Variants in SLC45A4 observed in about 807,000 individuals in gnomAD.
SLC45A4 encodes the protein polyamine-transporter SLC45A4.
In SLC45A4, 32 loss-of-function variants were observed where a neutral mutation model predicts 63.7. The observed-to-expected ratio is 0.50, with a 90% CI of 0.38 to 0.67. The LOEUF (loss-of-function observed/expected upper bound fraction) is 0.67. Among genes scored for constraint, SLC45A4 ranks in the 30% least tolerant of loss-of-function variants. The probability of loss-of-function intolerance (pLI) is 0.00; values close to 1 mark genes in which losing one functional copy is unlikely to be tolerated. For synonymous variants in SLC45A4, 535 were observed against 510.0 expected, an observed-to-expected ratio of 1.05 and a Z score of -0.66; for missense variants, 1,027 against 1,157.7, an observed-to-expected ratio of 0.89 and a Z score of 1.64.
At chr8:141,259,884 T>C (rs1212438940) in intron 1 of SLC45A4, among the ~76,000 whole-genome samples, 1 of 152,188 alleles carries the variant, frequency 6.6e-6, no homozygotes, top group Non-Finnish European at 1.5e-5. Context: ...ATGAAGCGAA[T>C]GAATGAATAA....
At chr8:141,266,339 CTG>C (rs1320760266) in intron 1 of SLC45A4, among the ~76,000 whole-genome samples, 1 of 152,226 alleles carries the variant, frequency 6.6e-6, no homozygotes, top group Non-Finnish European at 1.5e-5. Context: ...ATGAGAACGG[CTG>C]TGTGTTTTCT....
intron 2 of SLC45A4, among the ~76,000 whole-genome samples, chr8:141,240,248 G>T (rs1213830931): frequency 6.6e-6 from 1 of 152,194 alleles, no homozygotes; most frequent in African/African-American, 2.4e-5. Context: ...GATCTTCGTC[G>T]AGTGGAGAGA....
At chr8:141,292,890 T>A (rs572305674) in intron 1 of SLC45A4, 28 of 152,326 alleles carry the variant, frequency 1.8e-4, no homozygotes, top group African/African-American at 6.0e-4. Context: ...ACTAGAACCA[T>A]CAGCCTTGAA....
At chr8:141,307,509 A>AGAGGGAAAG (rs1830934165) in intron 1 of SLC45A4, among the ~76,000 whole-genome samples, 1 of 150,804 alleles carries the variant, frequency 6.6e-6, no homozygotes, top group Admixed American at 6.6e-5. Context: ...TGCACTGGGC[A>AGAGGGAAAG]GAGGGAAAGG....
chr8:141,255,967 G>A (rs1828758546), intron 1 of SLC45A4, among the ~76,000 whole-genome samples: 1 of 152,064 alleles, frequency 6.6e-6, no homozygotes, highest in African/African-American at 2.4e-5. Context: ...GTACCTAGGG[G>A]TTCGGAGACT....
In SLC45A4 at chr8:141,214,236, A is replaced by C. The variant is rs552227715; in HGVS notation, c.1941+1523T>G. Among the ~76,000 whole-genome samples, 25 of 152,278 alleles carry C rather than the reference A, an allele frequency of 1.6e-4. 1 individual carries two copies. The East Asian group carries it at 4.6e-3, about 28-fold the overall frequency. ...CATCATACTTCCTAGTAAGATATTA[A>C]ATACTCCCCTGTTGAGTTTGAAAGA... On this transcript the variant is annotated intron_variant, in intron 7 of 8. Coordinates refer to ENST00000517878, the MANE Select transcript of SLC45A4 (RefSeq NM_001286646.2).
rs1424436487 is a variant in SLC45A4 at position 141,213,503 on chromosome 8, C to T, written c.1942-947G>A. 3.9e-5 allele frequency among the ~76,000 whole-genome samples: 6 copies of T among 152,164 alleles called. No individual in the cohort carries two copies. In the East Asian group the frequency reaches 9.6e-4, roughly 24 times the overall value. ...ATAATTCATGGTTCAAAATAGAAAT[C>T]GTAATGAAAATTATAAAAATCTTTT... On this transcript the variant is annotated intron_variant, in intron 7 of 8. Transcript: ENST00000517878.
intron 1 of SLC45A4, among the ~76,000 whole-genome samples, chr8:141,306,350 T>C (rs991349235): frequency 1.3e-5 from 2 of 152,260 alleles, no homozygotes; most frequent in Non-Finnish European, 2.9e-5. Context: ...TGTGAAATCC[T>C]TGATGTGTAA....
rs549830664 is a variant in SLC45A4, at chr8:141,256,624, G to A, written c.-400-1995C>T. 2.4e-5 allele frequency: 11 copies of A among 456,210 alleles called. No individual in the cohort carries two copies. Among genetic ancestry groups the A allele is most frequent in the African/African-American group, 6.0e-5 (3 of 50,174 alleles). The allele number at this position is 456,210 out of a possible 1,614,324, so 28.3% of individuals were successfully genotyped here. ...AGCTCTTCCCTACATCTTCTTTCACGCTGCAGCGGAAACCAGAATGCCTAC... is the reference window on the plus strand; with the variant it reads ...AGCTCTTCCCTACATCTTCTTTCACACTGCAGCGGAAACCAGAATGCCTAC... On this transcript the variant is annotated intron_variant, in intron 1 of 8. Transcript: ENST00000517878. The surrounding 1 kb of genome is among the most constrained non-coding windows in gnomAD (Gnocchi z 4.3).
chr8:141,276,712 G>A (rs1373848832), intron 1 of SLC45A4, among the ~76,000 whole-genome samples: 1 of 152,216 alleles, frequency 6.6e-6, no homozygotes, highest in Non-Finnish European at 1.5e-5. Flanking sequence ...GAAGAAAGGA[G>A]TCGACTGCCC....
intron 1 of SLC45A4, among the ~76,000 whole-genome samples, chr8:141,277,962 T>C (rs1361644294): frequency 6.6e-6 from 1 of 152,160 alleles, no homozygotes; most frequent in Non-Finnish European, 1.5e-5. Flanking sequence ...GGCTAGAATG[T>C]AGTGGTGCAA....
At chr8:141,298,617 C>T (rs1483561392) in intron 1 of SLC45A4, among the ~76,000 whole-genome samples, 3 of 152,234 alleles carry the variant, frequency 2.0e-5, no homozygotes, top group African/African-American at 7.2e-5. Flanking sequence ...CACCTCCTCC[C>T]TGACCTCCGC....
chr8:141,237,191 G>A (rs989692101), intron 2 of SLC45A4, among the ~76,000 whole-genome samples: 2 of 152,160 alleles, frequency 1.3e-5, no homozygotes, highest in Non-Finnish European at 2.9e-5. Context: ...GTGCTCATAT[G>A]CACAATATTG....
At chr8:141,269,950 G>C (rs768044644) in intron 1 of SLC45A4, among the ~76,000 whole-genome samples, 3 of 152,106 alleles carry the variant, frequency 2.0e-5, no homozygotes, top group Non-Finnish European at 4.4e-5. Flanking sequence ...CATGCCCCCA[G>C]CATGTCTTTC....
At chr8:141,281,648 T>C (rs1278001690) in intron 1 of SLC45A4, among the ~76,000 whole-genome samples, 11 of 152,226 alleles carry the variant, frequency 7.2e-5, no homozygotes. Context: ...TGTTTGCACA[T>C]ACACAGACTC....
chr8:141,260,841 T>C (rs187787633), intron 1 of SLC45A4, among the ~76,000 whole-genome samples: 3,111 of 152,122 alleles, frequency 0.02, 102 homozygotes, highest in African/African-American at 0.071. Context: ...TTCCAATCAA[T>C]AGAAAAAGAG....
At chr8:141,270,400 G>A (rs113534280) in intron 1 of SLC45A4, among the ~76,000 whole-genome samples, 7,495 of 148,760 alleles carry the variant, frequency 0.05, 641 homozygotes, top group African/African-American at 0.18. Context: ...AAGGCTCGGC[G>A]CGGTAGCTAA....
chr8:141,242,496 A>C (rs1030315487), intron 2 of SLC45A4, among the ~76,000 whole-genome samples: 3 of 152,204 alleles, frequency 2.0e-5, no homozygotes, highest in Non-Finnish European at 4.4e-5. Context: ...CCAGTATCAG[A>C]AAGAACACCA....
In SLC45A4 at chr8:141,218,389, G is replaced by A. The variant is rs370033000; in HGVS notation, c.1251C>T (p.His417=). ...TGCTGGAGGCCTGCCTGCGGAACGC[G>A]TGCCGCCGCCGCCGCATGGAGCTCG... ...ATSSSMRRRR[H]AFRRQASSTF... The change falls in exon 5 of 9, where the codon CAC becomes CAT. Residue 417 remains histidine, a synonymous_variant. Transcript: ENST00000517878. The A allele has an allele frequency of 2.0e-5, 32 of 1,608,500 alleles. No individual in the cohort carries two copies. The highest frequency in any genetic ancestry group is 8.9e-5 in the East Asian group (4 of 44,874).
Sources: gnomAD v4.1 joint callset for allele counts (sites outside exome capture counted in the v4.1 genomes callset) on GRCh38, gnomAD v4.1.1 for gene constraint, Gnocchi (gnomAD v3.1) non-coding constraint, MANE v1.5 for transcripts, NCBI Gene and HGNC (gene_info 2026-07-23, HGNC 2026-07-21) for gene names.